The following TMEM117 variants were observed in gnomAD, a reference collection of about 807,000 sequenced individuals.
TMEM117 encodes transmembrane protein 117.
In TMEM117, 27 loss-of-function variants were observed where a neutral mutation model predicts 52.4. The ratio of observed to expected loss-of-function variants is 0.51; its 90% CI spans 0.38 to 0.71. TMEM117 has a LOEUF of 0.71. Ranked by LOEUF, TMEM117 falls within the 30% of genes least tolerant of loss-of-function variation. TMEM117 has a pLI of 0.00. For missense variants in TMEM117, 556 were observed against 630.5 expected (o/e 0.88, Z 1.26); for synonymous variants, 215 against 206.3 (o/e 1.04, Z -0.36).
intron 5 of TMEM117, among the ~76,000 whole-genome samples, chr12:44,218,117 A>G (rs1565604315): frequency 6.6e-6 from 1 of 152,056 alleles, no homozygotes; most frequent in Non-Finnish European, 1.5e-5. Flanking sequence ...CCATCTACTC[A>G]GGAGGCTGAG....
intron 2 of TMEM117, among the ~76,000 whole-genome samples, chr12:43,911,633 C>T (rs1170571078): frequency 1.3e-5 from 2 of 148,706 alleles, no homozygotes; most frequent in African/African-American, 4.9e-5. Context: ...CTACAATGAA[C>T]TCAAACAAAT....
chr12:44,254,060 C>T (rs1267843673), intron 5 of TMEM117, among the ~76,000 whole-genome samples: 10 of 126,888 alleles, frequency 7.9e-5, no homozygotes, highest in Admixed American at 7.8e-4. Flanking sequence ...TCAATGACAA[C>T]AATAACCACT....
chr12:44,209,337 A>G (rs1042647699), intron 4 of TMEM117, among the ~76,000 whole-genome samples: 1 of 152,110 alleles, frequency 6.6e-6, no homozygotes, highest in African/African-American at 2.4e-5. Flanking sequence ...GATAAGTATC[A>G]TGAATCATTT....
intron 3 of TMEM117, among the ~76,000 whole-genome samples, chr12:44,017,233 C>CTGTGTGTGTGTGTGTGTG (rs143648069): frequency 0.025 from 3,752 of 147,276 alleles, 170 homozygotes; most frequent in African/African-American, 0.084. Context: ...ATGAAGCCTT[C>CTGTGTGTGTGTGTGTGTG]TGTGTGTGTG....
At chr12:43,831,546 A>ATT (rs11449366), upstream of TMEM117, among the ~76,000 whole-genome samples, 91 of 137,608 alleles carry the variant, frequency 6.6e-4, no homozygotes, top group African/African-American at 1.9e-3. Flanking sequence ...GTTACTTCTG[A>ATT]TTTTTTTTTT....
At chr12:44,219,518 A>G (rs1027886650) in intron 5 of TMEM117, among the ~76,000 whole-genome samples, 6 of 152,314 alleles carry the variant, frequency 3.9e-5, no homozygotes, top group African/African-American at 1.4e-4. Flanking sequence ...CCAGTAAAAC[A>G]TGATGTATTA....
At chr12:44,045,798 G>A (rs146927180) in intron 3 of TMEM117, among the ~76,000 whole-genome samples, 20 of 152,240 alleles carry the variant, frequency 1.3e-4, no homozygotes, top group African/African-American at 4.8e-4. Context: ...AGCCGAGATC[G>A]TGCCTCTGCA....
intron 4 of TMEM117, among the ~76,000 whole-genome samples, chr12:44,171,310 C>A (rs949358181): frequency 6.6e-6 from 1 of 152,136 alleles, no homozygotes; most frequent in Non-Finnish European, 1.5e-5. Flanking sequence ...CCACCGCGCC[C>A]GGCCTTTATT....
intron 2 of TMEM117, among the ~76,000 whole-genome samples, chr12:43,943,176 CA>C (rs10667663): frequency 0.08 from 5,747 of 71,758 alleles, 159 homozygotes; most frequent in East Asian, 0.29. Flanking sequence ...GACTCTGTCT[CA>C]AAAAAAAAAA....
At chr12:44,365,058 T>C (rs192791318) in intron 6 of TMEM117, among the ~76,000 whole-genome samples, 28 of 152,120 alleles carry the variant, frequency 1.8e-4, no homozygotes, top group Non-Finnish European at 3.5e-4. Context: ...TGCAAAGAAG[T>C]TAGGGAGATA....
At chr12:43,870,970 A>T (rs1943693980) in intron 2 of TMEM117, among the ~76,000 whole-genome samples, 3 of 151,520 alleles carry the variant, frequency 2.0e-5, no homozygotes, top group Admixed American at 2.0e-4. Flanking sequence ...TTTCTAGTAG[A>T]GACAGGGTTT....
intron 7 of TMEM117, among the ~76,000 whole-genome samples, chr12:44,387,050 T>A (rs1408861876): frequency 6.6e-6 from 1 of 151,832 alleles, no homozygotes; most frequent in Non-Finnish European, 1.5e-5. Context: ...GGTACATACG[T>A]CCCCTAACTT....
chr12:44,321,360 A>G (rs1026993641), intron 6 of TMEM117, among the ~76,000 whole-genome samples: 1 of 152,162 alleles, frequency 6.6e-6, no homozygotes, highest in African/African-American at 2.4e-5. Context: ...TGCCATTGGC[A>G]TATCTCCTAG....
At chr12:44,063,167 A>G (rs1042247490) in intron 3 of TMEM117, among the ~76,000 whole-genome samples, 4 of 152,178 alleles carry the variant, frequency 2.6e-5, no homozygotes, top group Admixed American at 6.5e-5. Flanking sequence ...AGAATCTTTT[A>G]TCATCTTCTT....
At chr12:44,051,015 G>T (rs1946962579) in intron 3 of TMEM117, among the ~76,000 whole-genome samples, 1 of 152,132 alleles carries the variant, frequency 6.6e-6, no homozygotes, top group African/African-American at 2.4e-5. Flanking sequence ...TACGATCCTT[G>T]GGATTTGAGA....
At chr12:44,214,804 T>C (rs572672653) in intron 5 of TMEM117, among the ~76,000 whole-genome samples, 1 of 152,280 alleles carries the variant, frequency 6.6e-6, no homozygotes, top group South Asian at 2.1e-4. Flanking sequence ...TTGACAATGG[T>C]ATTCATGGTT....
chr12:44,342,369 A>C (rs1161712225), intron 6 of TMEM117, among the ~76,000 whole-genome samples: 2 of 152,182 alleles, frequency 1.3e-5, no homozygotes, highest in Non-Finnish European at 2.9e-5. Context: ...TAGAGACAGC[A>C]AAAGTAGACA....
At chr12:43,949,771 C>A (rs1467849858) in intron 3 of TMEM117, among the ~76,000 whole-genome samples, 1 of 152,184 alleles carries the variant, frequency 6.6e-6, no homozygotes, top group Non-Finnish European at 1.5e-5. Flanking sequence ...TCCAACAAAA[C>A]CACTTAGCAC....
intron 4 of TMEM117, among the ~76,000 whole-genome samples, chr12:44,193,237 C>G (rs751304404): frequency 2.0e-5 from 3 of 152,132 alleles, no homozygotes; most frequent in Non-Finnish European, 4.4e-5. Flanking sequence ...CCTAAGAATA[C>G]AGTGGACAAG....
Sources: allele counts gnomAD v4.1 joint callset (sites outside exome capture counted in the v4.1 genomes callset), GRCh38; gene constraint gnomAD v4.1.1; transcripts MANE v1.5; gene names NCBI Gene and HGNC (gene_info 2026-07-23, HGNC 2026-07-21).